The following CSMD1 variants were observed in gnomAD, a reference collection of about 807,000 sequenced individuals.
CSMD1 encodes CUB and Sushi multiple domains 1.
CSMD1 carries 213 observed loss-of-function variants against 417.5 expected under a neutral mutation model. The ratio of observed to expected loss-of-function variants is 0.51; its 90% confidence interval spans 0.46 to 0.57. The LOEUF is 0.57. Among genes scored for constraint, CSMD1 ranks in the 20% least tolerant of loss-of-function variants. CSMD1 has a pLI of 0.00. For synonymous variants in CSMD1, 2,862 were observed against 1,736.8 expected (o/e 1.65, Z -16.11); for missense variants, 6,923 against 4,529.7 (o/e 1.53, Z -15.17).
At chr8:3,614,957 G>C (rs989911670) in intron 8 of CSMD1, among the ~76,000 whole-genome samples, 1 of 152,198 alleles carries the variant, frequency 6.6e-6, no homozygotes, top group Admixed American at 6.5e-5. Flanking sequence ...GGACATGAAA[G>C]ACATGACTGT....
At chr8:4,929,725 C>T (rs1345908313) in intron 1 of CSMD1, among the ~76,000 whole-genome samples, 3 of 152,138 alleles carry the variant, frequency 2.0e-5, no homozygotes, top group Non-Finnish European at 4.4e-5. Flanking sequence ...CCGCACTTGA[C>T]AAATGGGGTG....
At chr8:4,736,689 G>A (rs865895237) in intron 1 of CSMD1, among the ~76,000 whole-genome samples, 1 of 152,058 alleles carries the variant, frequency 6.6e-6, no homozygotes, top group East Asian at 1.9e-4. Flanking sequence ...ATAAATCGCA[G>A]GAAAAAGAAT....
intron 28 of CSMD1, among the ~76,000 whole-genome samples, chr8:3,223,252 C>T (rs1291789681): frequency 3.9e-5 from 6 of 152,170 alleles, no homozygotes; most frequent in African/African-American, 1.2e-4. Flanking sequence ...GTAACTCAGA[C>T]TTTACAGCAA....
In CSMD1 at chr8:3,851,394, G is replaced by T. The variant is rs553280936; in HGVS notation, c.819-97352C>A. Among the ~76,000 whole-genome samples the T allele has an allele frequency of 3.8e-3, 584 of 152,238 alleles. 1 individual carries two copies. Among genetic ancestry groups the T allele is most frequent in the South Asian group, 0.012 (58 of 4,820 alleles). On this transcript the variant is annotated intron_variant, in intron 5 of 69. Coordinates refer to ENST00000635120, the MANE Select transcript of CSMD1 (RefSeq NM_033225.6). ...TGAACCACTTTTGTTATCTCTTTTG[G>T]CATGGACATATGTAGCACTACCAAT...
intron 3 of CSMD1, among the ~76,000 whole-genome samples, chr8:4,213,136 T>C (rs1220103690): frequency 3.3e-5 from 5 of 152,168 alleles, no homozygotes; most frequent in Admixed American, 6.6e-5. Context: ...AGACAACATC[T>C]GGAAAATTTC....
intron 5 of CSMD1, among the ~76,000 whole-genome samples, chr8:3,986,321 T>A (rs1814317648): frequency 6.6e-6 from 1 of 152,082 alleles, no homozygotes; most frequent in African/African-American, 2.4e-5. Flanking sequence ...GTGAAAACCC[T>A]TCTAGGGTGT....
In CSMD1 at chr8:3,445,948, C is replaced by T. The variant is rs1009325461; in HGVS notation, c.1561+22764G>A. On this transcript the variant is annotated intron_variant, in intron 12 of 69. Coordinates refer to ENST00000635120, the MANE Select transcript of CSMD1 (RefSeq NM_033225.6). The stretch of plus-strand genomic sequence containing the variant: ...ATTGTACAGAGAGACAGAGAGGCAA[C>T]GATGAAATGACTGCTTGTTCTGGGC... Among the ~76,000 whole-genome samples, 5 of 152,182 alleles carry T rather than the reference C, an allele frequency of 3.3e-5. No homozygotes were observed. In the East Asian group the frequency reaches 9.7e-4, roughly 30 times the overall value.
At chr8:2,995,136 A>C (rs926165698) in intron 54 of CSMD1, among the ~76,000 whole-genome samples, 9 of 152,218 alleles carry the variant, frequency 5.9e-5, no homozygotes, top group African/African-American at 1.9e-4. Context: ...TCTGCGAATC[A>C]TATACCTGAC....
chr8:3,078,226 T>C (rs73657557), intron 49 of CSMD1, among the ~76,000 whole-genome samples: 5 of 152,328 alleles, frequency 3.3e-5, no homozygotes, highest in African/African-American at 1.2e-4. Flanking sequence ...GGTCTTCATA[T>C]CACTACTACT....
At chr8:4,409,768 G>C (rs554006647) in intron 3 of CSMD1, among the ~76,000 whole-genome samples, 3 of 151,718 alleles carry the variant, frequency 2.0e-5, no homozygotes, top group Admixed American at 1.3e-4. Context: ...TGTTCCAGGA[G>C]AATGTAATAT....
chr8:4,728,906 T>C (rs1471002070), intron 1 of CSMD1, among the ~76,000 whole-genome samples: 1 of 152,136 alleles, frequency 6.6e-6, no homozygotes, highest in Admixed American at 6.6e-5. Flanking sequence ...AAGGAATTTG[T>C]CTTTGAGCAT....
At chr8:3,712,097 A>G (rs1563299459) in intron 6 of CSMD1, among the ~76,000 whole-genome samples, 2 of 152,216 alleles carry the variant, frequency 1.3e-5, no homozygotes, top group Non-Finnish European at 2.9e-5. Flanking sequence ...ATTATTTTTC[A>G]ACAAGACAGT....
intron 3 of CSMD1, among the ~76,000 whole-genome samples, chr8:4,331,672 G>T (rs1176701491): frequency 6.6e-6 from 1 of 152,102 alleles, no homozygotes; most frequent in Non-Finnish European, 1.5e-5. Flanking sequence ...AGCCATCCCA[G>T]AGGCCCCAGT....
chr8:4,659,854 A>T (rs894923599), intron 1 of CSMD1, among the ~76,000 whole-genome samples: 1 of 152,138 alleles, frequency 6.6e-6, no homozygotes, highest in Non-Finnish European at 1.5e-5. Context: ...CATGCTAAAC[A>T]ATAAAAATCA....
At chr8:4,737,339 G>C (rs1427590015) in intron 1 of CSMD1, among the ~76,000 whole-genome samples, 2 of 152,046 alleles carry the variant, frequency 1.3e-5, no homozygotes, top group African/African-American at 4.8e-5. Flanking sequence ...CTTTCAAAGG[G>C]TGGAGGGTTG....
At chr8:4,984,115 G>C (rs1260061465) in intron 1 of CSMD1, among the ~76,000 whole-genome samples, 2 of 152,192 alleles carry the variant, frequency 1.3e-5, no homozygotes, top group East Asian at 1.9e-4. Flanking sequence ...TACATGGCCA[G>C]TAAATCAAAA....
chr8:4,176,198 C>T (rs1036799991), intron 3 of CSMD1, among the ~76,000 whole-genome samples: 1 of 151,960 alleles, frequency 6.6e-6, no homozygotes, highest in Non-Finnish European at 1.5e-5. Context: ...CACATCCACC[C>T]TGTTGGATGT....
chr8:4,335,360 T>G (rs574451791), intron 3 of CSMD1, among the ~76,000 whole-genome samples: 1 of 152,126 alleles, frequency 6.6e-6, no homozygotes, highest in Non-Finnish European at 1.5e-5. Flanking sequence ...ATTCAATCTA[T>G]AGGAATCTGG....
chr8:4,418,080 C>T (rs1197805038), intron 3 of CSMD1, among the ~76,000 whole-genome samples: 1 of 151,982 alleles, frequency 6.6e-6, no homozygotes, highest in South Asian at 2.1e-4. Context: ...CACACACATA[C>T]TAAATACTAG....
Sources: gnomAD v4.1 joint callset for allele counts (sites outside exome capture counted in the v4.1 genomes callset) on GRCh38, gnomAD v4.1.1 for gene constraint, MANE v1.5 for transcripts, NCBI Gene and HGNC (gene_info 2026-07-23, HGNC 2026-07-21) for gene names.